The following PDLIM3 variants were observed in gnomAD, a reference collection of about 807,000 sequenced individuals.
The protein encoded by PDLIM3 is PDZ and LIM domain 3.
Under a neutral mutation model 37.3 loss-of-function variants are expected in PDLIM3, and 36 were observed. The ratio of observed to expected loss-of-function variants is 0.97; its 90% CI spans 0.74 to 1.28. The LOEUF is 1.28. Among genes scored for constraint, PDLIM3 ranks in the 50% most tolerant of loss-of-function variants. PDLIM3 has a pLI of 0.00. For missense variants in PDLIM3, 454 were observed against 485.0 expected, an observed-to-expected ratio of 0.94 and a Z score of 0.60; for synonymous variants, 174 against 182.4, an observed-to-expected ratio of 0.95 and a Z score of 0.37.
rs1561195883 is a variant in PDLIM3, at chr4:185,514,437, C to T, written c.331-100G>A. On this transcript the variant is annotated intron_variant, in intron 3 of 7. Transcript: ENST00000284767. The surrounding 1 kb of genome is among the most constrained non-coding windows in gnomAD (Gnocchi z 4.0). ...GTTGTACAGGGAGGATCATTTACCA[C>T]CAACTACTGTCATAACTAAGAAAGG... 1 of 1,609,248 alleles carries T rather than the reference C, an allele frequency of 6.2e-7. No homozygotes were observed. Among genetic ancestry groups the T allele is most frequent in the South Asian group, 1.1e-5 (1 of 90,272 alleles).
At position 185,504,580 on chromosome 4, in the gene PDLIM3, C is replaced by T. The variant is rs539118406; in HGVS notation, c.800G>A (p.Arg267His). 1.7e-5 allele frequency: 27 copies of T among 1,613,526 alleles called. No homozygotes were observed. Among genetic ancestry groups the T allele is most frequent in the East Asian group, 6.7e-5 (3 of 44,868 alleles). ...TCTCACACTCCGCGTTCCAGCCGGA[C>T]GGTCATCTGAAAAACAAAGCGTTTC... ...QGMVDDGSDD[R>H]PAGTRSVRAP... Residue 267 changes from arginine (R) to histidine (H), a missense_variant, in exon 7 of 8, where the codon CGT becomes CAT. Coordinates refer to ENST00000284767, the MANE Select transcript of PDLIM3 (RefSeq NM_014476.6). The surrounding 1 kb of genome is among the most constrained non-coding windows in gnomAD (Gnocchi z 4.7).
chr4:185,512,117 T>TG, intron 4 of PDLIM3: 1 of 134,008 alleles, frequency 7.5e-6, no homozygotes, highest in East Asian at 2.1e-4. Context: ...TTTTTTGAGA[T>TG]GGAGTCTCAC....
intron 3 of PDLIM3, chr4:185,517,565 T>C (rs1004266745): frequency 3.9e-5 from 6 of 151,914 alleles, no homozygotes; most frequent in African/African-American, 1.4e-4. Flanking sequence ...GCATTAATAA[T>C]CTCTAGTAGA....
intron 2 of PDLIM3, among the ~76,000 whole-genome samples, chr4:185,523,883 G>A (rs549112787): frequency 5.9e-5 from 9 of 151,878 alleles, no homozygotes; most frequent in East Asian, 5.8e-4. Context: ...CTCCCAAAGC[G>A]CTAGGATTAC....
At chr4:185,525,214 G>T in intron 1 of PDLIM3, 43 bp from the exon 2 acceptor site, 1 of 1,602,398 alleles carries the variant, frequency 6.2e-7, no homozygotes, top group Non-Finnish European at 8.5e-7. Context: ...ACATCCCGCA[G>T]TATCTTGAGT....
At position 185,502,254 on chromosome 4, in the gene PDLIM3, CGTGG is replaced by C; in HGVS notation, c.*36_*39del. 1 of 1,593,584 alleles carries C rather than the reference CGTGG, an allele frequency of 6.3e-7. No individual in the cohort carries two copies. Among genetic ancestry groups the C allele is most frequent in the Non-Finnish European group, 8.6e-7 (1 of 1,161,786 alleles). ...ATGAATGTCTTCTCGTGTAAGTGCG[CGTGG>C]GTGGGTGCGTGCGTGCGTGCCACGC... On this transcript the variant is annotated 3_prime_UTR_variant, in exon 8 of 8. Transcript: ENST00000284767.
chr4:185,517,354 T>TC (rs2095716517), intron 3 of PDLIM3: 1 of 145,560 alleles, frequency 6.9e-6, no homozygotes, highest in African/African-American at 2.5e-5. Context: ...TAGCTTTTTT[T>TC]TTTTTTTTTT....
chr4:185,501,145 G>A lies in PDLIM3; in HGVS notation c.*1149C>T, dbSNP rs1364942772. ...CCATGCAGAGCCTGCAAGGTAGGCT[G>A]CCTGCGCCAGGGCCAGGCAGAGTGC... On this transcript the variant is annotated 3_prime_UTR_variant, in exon 8 of 8. Transcript: ENST00000284767. 6.6e-6 allele frequency: 1 copy of A among 152,128 alleles called. No individual in the cohort carries two copies. 9.4% of individuals were successfully genotyped at this position (152,128 alleles called of 1,614,324 possible). A position where few individuals can be genotyped will look rare whatever the true frequency, so the allele number is the denominator to read the frequency against.
At chr4:185,503,024 G>A (rs918005851) in intron 7 of PDLIM3, among the ~76,000 whole-genome samples, 3 of 152,066 alleles carry the variant, frequency 2.0e-5, no homozygotes, top group Non-Finnish European at 4.4e-5. Flanking sequence ...TCAGGAGATC[G>A]AGACCATCCT....
chr4:185,527,923 G>A (rs761359322), intron 1 of PDLIM3, among the ~76,000 whole-genome samples: 2 of 151,960 alleles, frequency 1.3e-5, no homozygotes, highest in Non-Finnish European at 2.9e-5. Context: ...GCATAATGGT[G>A]CACACCTGTA....
Position 185,502,352 on chromosome 4 carries a change from C to G in PDLIM3, c.1037G>C (p.Arg346Thr), listed in dbSNP as rs762986959. 1 of 1,614,244 alleles carries G rather than the reference C, an allele frequency of 6.2e-7. No individual in the cohort carries two copies. Among genetic ancestry groups the G allele is most frequent in the Non-Finnish European group, 8.5e-7 (1 of 1,180,044 alleles). The part of the protein sequence containing the change: ...EGELYCETHA[R>T]ARTKPPEGYD... Reference sequence around the variant, plus strand: ...GCCCTCTGGGGGCTTTGTGCGGGCTCTTGCGTGGGTTTCGCAGTACAGCTC... The same window carrying G: ...GCCCTCTGGGGGCTTTGTGCGGGCTGTTGCGTGGGTTTCGCAGTACAGCTC... Residue 346 changes from arginine to threonine, a missense_variant, in exon 8 of 8, where the codon AGA becomes ACA. By Grantham distance (71) the Arg-to-Thr change is moderately conservative (BLOSUM62 -1). Transcript: ENST00000284767.
chr4:185,529,243 C>T (rs2095739631), intron 1 of PDLIM3, among the ~76,000 whole-genome samples: 1 of 152,090 alleles, frequency 6.6e-6, no homozygotes, highest in Admixed American at 6.5e-5. Flanking sequence ...AGGAGAGGAG[C>T]CAGGGAATTT....
chr4:185,525,927 T>C (rs1409884210), intron 1 of PDLIM3, among the ~76,000 whole-genome samples: 1 of 152,238 alleles, frequency 6.6e-6, no homozygotes, highest in Admixed American at 6.5e-5. Context: ...ATGTTACTTA[T>C]AAGCCACCCA....
At chr4:185,524,175 G>T (rs1449637072) in intron 2 of PDLIM3, among the ~76,000 whole-genome samples, 1 of 152,142 alleles carries the variant, frequency 6.6e-6, no homozygotes, top group Non-Finnish European at 1.5e-5. Context: ...TCAAGGAAAT[G>T]TGCTTTGTCC....
At chr4:185,523,471 A>T (rs2095726299) in intron 2 of PDLIM3, 25 bp from the exon 3 acceptor site, 1 of 1,413,272 alleles carries the variant, frequency 7.1e-7, no homozygotes, top group African/African-American at 1.4e-5. Context: ...AAATTTGTAA[A>T]CTTCAAATTC....
intron 5 of PDLIM3, among the ~76,000 whole-genome samples, chr4:185,507,341 C>T (rs1253527865): frequency 6.6e-6 from 1 of 152,132 alleles, no homozygotes; most frequent in Non-Finnish European, 1.5e-5. Flanking sequence ...AACATGCTTT[C>T]TACAAATATA....
At chr4:185,532,521 A>G (rs1038280027) in intron 1 of PDLIM3, among the ~76,000 whole-genome samples, 2 of 152,158 alleles carry the variant, frequency 1.3e-5, no homozygotes, top group African/African-American at 4.8e-5. Context: ...TGGTGTGGGG[A>G]AAAATGGTAT....
rs189860581 is a variant in PDLIM3, at chr4:185,533,653, T to C, written c.93+1689A>G. On this transcript the variant is annotated intron_variant, in intron 1 of 7. Transcript: ENST00000284767. ...GAATTCCAGATAGAATTGGTTTCCCTAATAATAACTGCCATTATATCAAAT... is the reference window on the plus strand; with the variant it reads ...GAATTCCAGATAGAATTGGTTTCCCCAATAATAACTGCCATTATATCAAAT... Among the ~76,000 whole-genome samples, 39 of 152,326 alleles carry C rather than the reference T, an allele frequency of 2.6e-4. No homozygotes were observed. In the East Asian group the frequency reaches 7.5e-3, roughly 29 times the overall value.
In PDLIM3 at chr4:185,521,444, T is replaced by G. The variant is rs1293671237; in HGVS notation, c.330+1918A>C. ...CAGGGTCTTGCTCTGTCACCCAAGC[T>G]GGAGTGCAGTGGTGCAATCACAGCT... On this transcript the variant is annotated intron_variant, in intron 3 of 7. Transcript: ENST00000284767. 8.5e-5 allele frequency among the ~76,000 whole-genome samples: 5 copies of G among 59,068 alleles called. 1 individual carries two copies. Among genetic ancestry groups the G allele is most frequent in the African/African-American group, 1.5e-4 (5 of 33,728 alleles). 38.8% of individuals were successfully genotyped at this position (59,068 alleles called of 152,430 possible).
Sources: allele counts gnomAD v4.1 joint callset (sites outside exome capture counted in the v4.1 genomes callset), GRCh38; gene constraint gnomAD v4.1.1; non-coding constraint Gnocchi (gnomAD v3.1); transcripts MANE v1.5; gene names NCBI Gene and HGNC (gene_info 2026-07-23, HGNC 2026-07-21).